CDH13: variants seen among roughly 807,000 people sequenced by gnomAD.
The protein encoded by CDH13 is cadherin-13.
A neutral mutation model predicts 63.8 loss-of-function variants in CDH13; 24 were observed. The observed-to-expected ratio is 0.38, with a 90% CI of 0.27 to 0.53. CDH13 has a LOEUF of 0.53. CDH13 is among the 20% of genes least tolerant of loss of function. The probability of loss-of-function intolerance (pLI) is 0.85; values close to 1 mark genes in which losing one functional copy is unlikely to be tolerated. For missense variants in CDH13, 1,049 were observed against 903.1 expected (o/e 1.16, Z -2.07); for synonymous variants, 503 against 355.3 (o/e 1.42, Z -4.67).
At chr16:82,642,508 G>A (rs1402750919) in intron 1 of CDH13, among the ~76,000 whole-genome samples, 1 of 152,044 alleles carries the variant, frequency 6.6e-6, no homozygotes, top group East Asian at 1.9e-4. Flanking sequence ...CTCTTTGGTG[G>A]GAGAGCTGGC....
intron 5 of CDH13, among the ~76,000 whole-genome samples, chr16:83,249,241 T>C (rs1227091526): frequency 6.6e-6 from 1 of 152,142 alleles, no homozygotes; most frequent in Non-Finnish European, 1.5e-5. Flanking sequence ...TCTAACCCAG[T>C]GGTTGGCACG....
intron 1 of CDH13, among the ~76,000 whole-genome samples, chr16:82,665,298 G>A (rs1172974605): frequency 6.6e-6 from 1 of 152,146 alleles, no homozygotes; most frequent in Non-Finnish European, 1.5e-5. Flanking sequence ...CTGAGAAAAT[G>A]CATGTGTTAG....
chr16:83,568,261 C>A (rs188668596), intron 7 of CDH13, among the ~76,000 whole-genome samples: 59 of 152,158 alleles, frequency 3.9e-4, no homozygotes, highest in African/African-American at 1.3e-3. Context: ...AATGAAGCCA[C>A]GAGTTTGGCC....
chr16:83,455,831 C>T (rs570856688), intron 6 of CDH13, among the ~76,000 whole-genome samples: 1 of 152,346 alleles, frequency 6.6e-6, no homozygotes, highest in East Asian at 1.9e-4. Flanking sequence ...GGACAAGTCT[C>T]CCTTTCCTTC....
intron 2 of CDH13, among the ~76,000 whole-genome samples, chr16:82,883,799 T>A (rs2040786755): frequency 6.6e-6 from 1 of 152,224 alleles, no homozygotes; most frequent in Non-Finnish European, 1.5e-5. Context: ...TGGTCCTCAC[T>A]GTATCTTTCT....
At chr16:83,069,080 C>T (rs2032244701) in intron 3 of CDH13, among the ~76,000 whole-genome samples, 1 of 152,194 alleles carries the variant, frequency 6.6e-6, no homozygotes, top group Non-Finnish European at 1.5e-5. Context: ...ATCCCAAAGG[C>T]ATGTCTTTCA....
intron 10 of CDH13, among the ~76,000 whole-genome samples, chr16:83,695,245 A>C (rs1265071185): frequency 6.6e-6 from 1 of 152,236 alleles, no homozygotes; most frequent in African/African-American, 2.4e-5. Flanking sequence ...TAAGCAAAAT[A>C]CCAGCTTTTT....
chr16:83,206,501 G>C (rs12933683), intron 4 of CDH13, among the ~76,000 whole-genome samples: 144,578 of 152,316 alleles, frequency 0.95, 68,863 homozygotes, highest in Non-Finnish European at 0.99. Flanking sequence ...AGCATGCCAG[G>C]CATTCTCACA....
chr16:83,390,952 G>C (rs2091774059), intron 6 of CDH13, among the ~76,000 whole-genome samples: 1 of 152,148 alleles, frequency 6.6e-6, no homozygotes, highest in Admixed American at 6.5e-5. Flanking sequence ...TAGCAGGCCA[G>C]CTTCCTGTGC....
At chr16:83,461,770 G>A (rs571214887) in intron 6 of CDH13, among the ~76,000 whole-genome samples, 1 of 152,200 alleles carries the variant, frequency 6.6e-6, no homozygotes, top group African/African-American at 2.4e-5. Flanking sequence ...TAAAAGATCA[G>A]CTTGTAAGTT....
At chr16:83,148,324 A>C (rs138972953) in intron 4 of CDH13, among the ~76,000 whole-genome samples, 2 of 147,672 alleles carry the variant, frequency 1.4e-5, no homozygotes, top group Non-Finnish European at 2.9e-5. Flanking sequence ...GACAACATGT[A>C]GACAACATGG....
chr16:83,755,206 C>G (rs1913405586), intron 11 of CDH13, among the ~76,000 whole-genome samples: 1 of 152,026 alleles, frequency 6.6e-6, no homozygotes, highest in African/African-American at 2.4e-5. Context: ...ATATTAAAAA[C>G]TCAGTAAGTA....
chr16:83,107,744 T>TC (rs2034843509), intron 3 of CDH13, among the ~76,000 whole-genome samples: 1 of 151,916 alleles, frequency 6.6e-6, no homozygotes, highest in African/African-American at 2.4e-5. Flanking sequence ...GTTTTTTTTT[T>TC]TTTTTTACAA....
intron 10 of CDH13, among the ~76,000 whole-genome samples, chr16:83,695,660 A>G (rs1049778553): frequency 2.6e-5 from 4 of 152,226 alleles, no homozygotes; most frequent in African/African-American, 9.6e-5. Context: ...TGATTAGGGG[A>G]AAAGAATAGG....
chr16:83,721,835 A>C (rs1012593179), intron 10 of CDH13: 7 of 152,262 alleles, frequency 4.6e-5, no homozygotes, highest in South Asian at 2.1e-4. Context: ...CGTTGCATCT[A>C]AGTGGAATAA....
chr16:82,797,815 G>A (rs1163705430), intron 1 of CDH13, among the ~76,000 whole-genome samples: 1 of 148,840 alleles, frequency 6.7e-6, no homozygotes, highest in Non-Finnish European at 1.5e-5. Context: ...GTGTATACAT[G>A]TGTATGTGTA....
chr16:83,695,075 C>T lies in CDH13; in HGVS notation c.1538+16614C>T, dbSNP rs559722187. 2.6e-5 allele frequency among the ~76,000 whole-genome samples: 4 copies of T among 152,088 alleles called. No homozygotes were observed. The South Asian group carries it at 6.2e-4, about 24-fold the overall frequency. On this transcript the variant is annotated intron_variant, in intron 10 of 13. Coordinates refer to ENST00000567109, the MANE Select transcript of CDH13 (RefSeq NM_001257.5). ...TACAAAAATTAGCCAGGTGTGGTGG[C>T]GCGTGCCCATAGTCCCAGCTATTCA...
chr16:83,658,527 C>T (rs1352520952), intron 8 of CDH13, among the ~76,000 whole-genome samples: 3 of 147,606 alleles, frequency 2.0e-5, no homozygotes, highest in East Asian at 2.1e-4. Context: ...CACCAGGTCC[C>T]GTATCCTCAC....
chr16:83,190,391 G>C (rs1023961316), intron 4 of CDH13, among the ~76,000 whole-genome samples: 2 of 152,192 alleles, frequency 1.3e-5, no homozygotes, highest in Admixed American at 6.5e-5. Flanking sequence ...TTCTACCAAA[G>C]TCAAATTGCA....
Sources: allele counts gnomAD v4.1 joint callset (sites outside exome capture counted in the v4.1 genomes callset), GRCh38; gene constraint gnomAD v4.1.1; transcripts MANE v1.5; gene names NCBI Gene and HGNC (gene_info 2026-07-23, HGNC 2026-07-21).